Variants in LOC122539214 observed in about 807,000 individuals in gnomAD.
chr19:52,662,026 C>T, the LOC122539214 span, among the ~76,000 whole-genome samples: 4 of 151,352 alleles, frequency 2.6e-5, no homozygotes, highest in Admixed American at 2.7e-4. Context: ...GAGGAGGACA[C>T]AGGCAGGAGA....
At chr19:52,680,652 G>A in the LOC122539214 span, among the ~76,000 whole-genome samples, 42 of 114,044 alleles carry the variant, frequency 3.7e-4, no homozygotes, top group African/African-American at 9.6e-4. Flanking sequence ...TCGCTCTGTC[G>A]CCCAGGCTGG....
the LOC122539214 span, among the ~76,000 whole-genome samples, chr19:52,683,271 TGTGTGTGTG>T: frequency 1.6e-4 from 15 of 92,174 alleles, no homozygotes; most frequent in Non-Finnish European, 3.8e-4. Flanking sequence ...TGTGTGTGTG[TGTGTGTGTG>T]TATGCTCACG....
At chr19:52,681,280 C>CAAAAAAAAAAAAAAAAA in the LOC122539214 span, among the ~76,000 whole-genome samples, 64 of 75,422 alleles carry the variant, frequency 8.5e-4, no homozygotes, top group African/African-American at 2.3e-3. Flanking sequence ...GAGACTTTCT[C>CAAAAAAAAAAAAAAAAA]AAAAAAAAAA....
At chr19:52,656,864 C>CAA in the LOC122539214 span, among the ~76,000 whole-genome samples, 652 of 136,380 alleles carry the variant, frequency 4.8e-3, 13 homozygotes, top group African/African-American at 0.013. Context: ...GACTCCGTCT[C>CAA]AAAAAAAAAA....
At chr19:52,658,505 G>C in the LOC122539214 span, among the ~76,000 whole-genome samples, 1 of 152,248 alleles carries the variant, frequency 6.6e-6, no homozygotes, top group East Asian at 1.9e-4. Context: ...GCAGAGGCTG[G>C]AGTAAGCCGA....
chr19:52,661,442 C>T, the LOC122539214 span, among the ~76,000 whole-genome samples: 1 of 152,174 alleles, frequency 6.6e-6, no homozygotes, highest in Non-Finnish European at 1.5e-5. Flanking sequence ...CCCCTCACCT[C>T]CCTGTGGATC....
At chr19:52,667,606 A>C in the LOC122539214 span, among the ~76,000 whole-genome samples, 1 of 152,338 alleles carries the variant, frequency 6.6e-6, no homozygotes, top group Middle Eastern at 3.4e-3. Flanking sequence ...GGTTTAAGCA[A>C]GTTTCAAAAT....
the LOC122539214 span, chr19:52,651,221 T>A: frequency 6.6e-6 from 1 of 152,216 alleles, no homozygotes; most frequent in South Asian, 2.1e-4. Context: ...CATCAGTGGT[T>A]TACAGAAATA....
At chr19:52,652,864 C>T in the LOC122539214 span, 2 of 1,003,490 alleles carry the variant, frequency 2.0e-6, no homozygotes, top group Non-Finnish European at 1.6e-6. Flanking sequence ...TGACATATGA[C>T]TGAAGGTCTT....
At chr19:52,661,181 A>C in the LOC122539214 span, among the ~76,000 whole-genome samples, 2 of 151,982 alleles carry the variant, frequency 1.3e-5, no homozygotes. Context: ...ATGTTTAGAA[A>C]CCACACATTC....
At chr19:52,662,380 G>A in the LOC122539214 span, among the ~76,000 whole-genome samples, 1 of 152,112 alleles carries the variant, frequency 6.6e-6, no homozygotes, top group South Asian at 2.1e-4. Context: ...GAGAGCTGAG[G>A]AGCCAACTGA....
the LOC122539214 span, chr19:52,674,190 T>A: frequency 6.6e-6 from 1 of 152,306 alleles, no homozygotes; most frequent in Non-Finnish European, 1.5e-5. Flanking sequence ...ACCTGTTTCC[T>A]GTGAGGTTGG....
At chr19:52,683,584 T>C in the LOC122539214 span, among the ~76,000 whole-genome samples, 1 of 151,180 alleles carries the variant, frequency 6.6e-6, no homozygotes, top group African/African-American at 2.4e-5. Context: ...GTGCAGAGCA[T>C]GGAAGACCTG....
the LOC122539214 span, among the ~76,000 whole-genome samples, chr19:52,676,521 G>A: frequency 6.6e-6 from 1 of 151,478 alleles, no homozygotes; most frequent in Admixed American, 6.6e-5. Context: ...CCCCCGCCCG[G>A]CCAGCCGCCC....
At chr19:52,684,908 T>G in the LOC122539214 span, among the ~76,000 whole-genome samples, 21,651 of 152,166 alleles carry the variant, frequency 0.14, 1,676 homozygotes, top group African/African-American at 0.19. Flanking sequence ...AGTGAGGAGT[T>G]GGGCTTTTGT....
the LOC122539214 span, chr19:52,690,494 T>A: frequency 1.2e-4 from 23 of 186,242 alleles, no homozygotes; most frequent in Non-Finnish European, 2.4e-4. Context: ...TTTGCGAGAA[T>A]CTGCGCGCGC....
At chr19:52,655,735 C>T in the LOC122539214 span, 4 of 772,708 alleles carry the variant, frequency 5.2e-6, no homozygotes, top group Non-Finnish European at 8.9e-6. Flanking sequence ...GGAGTCATTA[C>T]CTTCACACAA....
the LOC122539214 span, among the ~76,000 whole-genome samples, chr19:52,660,050 G>T: frequency 6.6e-6 from 1 of 152,062 alleles, no homozygotes; most frequent in East Asian, 1.9e-4. Flanking sequence ...AATTAGCGGG[G>T]TGTGGTGGTG....
the LOC122539214 span, chr19:52,651,265 G>GC: frequency 6.6e-6 from 1 of 152,228 alleles, no homozygotes; most frequent in Non-Finnish European, 1.5e-5. Context: ...ATGTCCTTTA[G>GC]CTGAAGATAG....
Sources: allele counts gnomAD v4.1 joint callset (sites outside exome capture counted in the v4.1 genomes callset), GRCh38; gene constraint gnomAD v4.1.1; transcripts MANE v1.5.